EPHB1: variants seen among roughly 807,000 people sequenced by gnomAD.
The protein encoded by EPHB1 is ephrin type-B receptor 1.
In EPHB1, 30 loss-of-function variants were observed where a neutral mutation model predicts 94.4. The ratio of observed to expected loss-of-function variants is 0.32; its 90% CI spans 0.24 to 0.43. EPHB1 has a LOEUF of 0.43. Among genes scored for constraint, EPHB1 ranks in the 20% least tolerant of loss-of-function variants. EPHB1 has a pLI of 1.00. For missense variants in EPHB1, 1,055 were observed against 1,308.3 expected (o/e 0.81, Z 2.99); for synonymous variants, 522 against 489.1 (o/e 1.07, Z -0.89).
At chr3:134,919,546 T>A (rs36194) in intron 1 of EPHB1, among the ~76,000 whole-genome samples, 10,059 of 152,164 alleles carry the variant, frequency 0.066, 817 homozygotes, top group African/African-American at 0.19. Context: ...TGGTGTGAAG[T>A]TGGCGCTTAA....
chr3:135,248,910 A>G (rs1328458807), intron 14 of EPHB1, among the ~76,000 whole-genome samples: 12 of 147,754 alleles, frequency 8.1e-5, no homozygotes, highest in Admixed American at 6.8e-4. Flanking sequence ...TCACTGCTCC[A>G]TTTTTTTTTT....
At chr3:134,954,953 C>T (rs574997718) in intron 3 of EPHB1, among the ~76,000 whole-genome samples, 2 of 151,902 alleles carry the variant, frequency 1.3e-5, no homozygotes, top group South Asian at 4.2e-4. Context: ...GAGAAGAGAA[C>T]AGGTGAGAGG....
chr3:135,247,972 G>A (rs1943969288), intron 13 of EPHB1, among the ~76,000 whole-genome samples: 1 of 152,184 alleles, frequency 6.6e-6, no homozygotes, highest in African/African-American at 2.4e-5. Context: ...CTTCCAGTAA[G>A]GCAGAATTGG....
chr3:135,086,342 G>T (rs1467477745), intron 3 of EPHB1, among the ~76,000 whole-genome samples: 1 of 151,560 alleles, frequency 6.6e-6, no homozygotes, highest in African/African-American at 2.4e-5. Flanking sequence ...TGGGGGTGGG[G>T]GAGGGTGTTC....
intron 3 of EPHB1, among the ~76,000 whole-genome samples, chr3:135,096,003 C>G (rs544587741): frequency 1.3e-5 from 2 of 152,320 alleles, no homozygotes; most frequent in South Asian, 4.1e-4. Context: ...ACCAGGATGT[C>G]AATTCCACGT....
chr3:134,931,610 G>A (rs2038904328), intron 2 of EPHB1, among the ~76,000 whole-genome samples: 1 of 152,208 alleles, frequency 6.6e-6, no homozygotes, highest in South Asian at 2.1e-4. Flanking sequence ...TTCACCATAG[G>A]AAAGGGGATG....
At chr3:134,972,807 G>A (rs1934029987) in intron 3 of EPHB1, among the ~76,000 whole-genome samples, 1 of 152,164 alleles carries the variant, frequency 6.6e-6, no homozygotes, top group Non-Finnish European at 1.5e-5. Context: ...TTTCAGTCCT[G>A]TGAGTGTATT....
At chr3:134,917,593 G>C (rs991096529) in intron 1 of EPHB1, among the ~76,000 whole-genome samples, 2 of 152,248 alleles carry the variant, frequency 1.3e-5, no homozygotes, top group Admixed American at 6.5e-5. Flanking sequence ...AACAGAAGGA[G>C]GAGGATGTAG....
intron 1 of EPHB1, among the ~76,000 whole-genome samples, chr3:134,826,125 A>G (rs1485963478): frequency 6.6e-6 from 1 of 151,402 alleles, no homozygotes; most frequent in East Asian, 1.9e-4. Context: ...GGTGAAGCAT[A>G]CCTGTAATCC....
intron 3 of EPHB1, among the ~76,000 whole-genome samples, chr3:134,997,716 T>A (rs1223329562): frequency 6.6e-6 from 1 of 152,220 alleles, no homozygotes; most frequent in East Asian, 1.9e-4. Flanking sequence ...TTTTCCTCTC[T>A]TGTGACTTTC....
intron 1 of EPHB1, among the ~76,000 whole-genome samples, chr3:134,818,481 C>T (rs958685343): frequency 1.3e-5 from 2 of 152,198 alleles, no homozygotes; most frequent in African/African-American, 4.8e-5. Flanking sequence ...ATCACCCAAG[C>T]AGTATACACT....
At chr3:135,130,978 A>G (rs1212878965) in intron 4 of EPHB1, among the ~76,000 whole-genome samples, 2 of 152,204 alleles carry the variant, frequency 1.3e-5, no homozygotes, top group African/African-American at 4.8e-5. Flanking sequence ...GCAGTGACCA[A>G]TATGGATGGT....
rs754508035 is a variant in EPHB1, at chr3:135,241,310, A to C, written c.2496+13A>C. 1.2e-6 allele frequency: 2 copies of C among 1,614,114 alleles called. No homozygotes were observed. Among genetic ancestry groups the C allele is most frequent in the Non-Finnish European group, 1.7e-6 (2 of 1,179,946 alleles). ...GTCCAACCAAGATGTGAGTGTCAGC[A>C]GCACTTGGTCACCACAAACCCCCAT... On this transcript the variant is annotated intron_variant, in intron 13 of 15. Transcript: ENST00000398015.
chr3:135,050,626 T>C (rs939534142), intron 3 of EPHB1, among the ~76,000 whole-genome samples: 1 of 152,110 alleles, frequency 6.6e-6, no homozygotes, highest in Non-Finnish European at 1.5e-5. Flanking sequence ...GAGGTGGGCC[T>C]AATAGGAGGT....
intron 15 of EPHB1, among the ~76,000 whole-genome samples, chr3:135,257,411 CTGTT>C (rs1481270896): frequency 6.6e-6 from 1 of 151,690 alleles, no homozygotes; most frequent in Non-Finnish European, 1.5e-5. Flanking sequence ...GATGTCCTTT[CTGTT>C]TGTTAGTTTT....
chr3:135,033,790 T>C (rs1936561755), intron 3 of EPHB1, among the ~76,000 whole-genome samples: 3 of 152,328 alleles, frequency 2.0e-5, no homozygotes, highest in African/African-American at 7.2e-5. Context: ...ATACGTTAGC[T>C]CTTTTCGTAT....
At chr3:135,029,526 T>G (rs1359728327) in intron 3 of EPHB1, among the ~76,000 whole-genome samples, 7 of 148,580 alleles carry the variant, frequency 4.7e-5, no homozygotes, top group Non-Finnish European at 6.0e-5. Context: ...GAAAATTCTT[T>G]TCTTTAAGAA....
chr3:134,860,172 G>GACACACACACACAC (rs71139560), intron 1 of EPHB1, among the ~76,000 whole-genome samples: 6 of 139,150 alleles, frequency 4.3e-5, no homozygotes, highest in Admixed American at 1.5e-4. Context: ...CACACACACA[G>GACACACACACACAC]ACACACACAC....
chr3:134,995,023 T>A (rs925920163), intron 3 of EPHB1, among the ~76,000 whole-genome samples: 1 of 152,022 alleles, frequency 6.6e-6, no homozygotes, highest in African/African-American at 2.4e-5. Context: ...TGTATTTAGA[T>A]CTGTTCAGTT....
Sources: gnomAD v4.1 joint callset for allele counts (sites outside exome capture counted in the v4.1 genomes callset) on GRCh38, gnomAD v4.1.1 for gene constraint, MANE v1.5 for transcripts, NCBI Gene and HGNC (gene_info 2026-07-23, HGNC 2026-07-21) for gene names.